Variants in ADORA2B observed in about 807,000 individuals in gnomAD.
ADORA2B encodes the protein adenosine A2b receptor.
A neutral mutation model predicts 20.8 loss-of-function variants in ADORA2B; 18 were observed. That is an observed-to-expected ratio of 0.87 (90% CI 0.60 to 1.29). The LOEUF is 1.29. ADORA2B is among the 50% of genes most tolerant of loss of function. The pLI is 0.00. For synonymous variants in ADORA2B, 179 were observed against 178.3 expected (o/e 1.00, Z -0.03); for missense variants, 441 against 422.7 (o/e 1.04, Z -0.38).
chr17:15,865,848 TTAGGGAGC>T, the ADORA2B span, among the ~76,000 whole-genome samples: 1 of 151,624 alleles, frequency 6.6e-6, no homozygotes. Flanking sequence ...TTTTTTGGTT[TTAGGGAGC>T]GGAAAGTTTA....
chr17:15,915,396 G>A, the ADORA2B span, among the ~76,000 whole-genome samples: 3 of 152,224 alleles, frequency 2.0e-5, no homozygotes, highest in African/African-American at 7.2e-5. Flanking sequence ...CTTCTGCCAT[G>A]TAAGCTAACA....
the ADORA2B span, chr17:15,858,625 T>C: frequency 6.6e-6 from 1 of 152,310 alleles, no homozygotes; most frequent in African/African-American, 2.4e-5. Flanking sequence ...TATTCCACTG[T>C]GTTTAAGAAC....
At chr17:15,867,300 G>A in the ADORA2B span, among the ~76,000 whole-genome samples, 1 of 151,894 alleles carries the variant, frequency 6.6e-6, no homozygotes, top group African/African-American at 2.4e-5. Flanking sequence ...GGAAAGTGAG[G>A]AGCATCTCTG....
At chr17:15,974,652 CG>C (rs1359151589) in intron 1 of ADORA2B, 26 bp from the exon 2 acceptor site, 1 of 1,594,790 alleles carries the variant, frequency 6.3e-7, no homozygotes, top group Non-Finnish European at 8.6e-7. Context: ...ATAAACTGAC[CG>C]TAACAGATGG....
At chr17:15,959,281 C>T (rs1053142987) in intron 1 of ADORA2B, among the ~76,000 whole-genome samples, 1 of 152,104 alleles carries the variant, frequency 6.6e-6, no homozygotes, top group African/African-American at 2.4e-5. Context: ...AAAATGAGTA[C>T]AGTACATATT....
the ADORA2B span, among the ~76,000 whole-genome samples, chr17:15,878,274 TTCA>T: frequency 2.0e-4 from 31 of 151,966 alleles, no homozygotes; most frequent in African/African-American, 7.2e-4. Flanking sequence ...CATCACTTAT[TTCA>T]TCATCTCTCT....
chr17:15,917,077 A>T, the ADORA2B span, among the ~76,000 whole-genome samples: 1 of 152,248 alleles, frequency 6.6e-6, no homozygotes, highest in African/African-American at 2.4e-5. Flanking sequence ...TGGGAGGACA[A>T]CATGGGAGGA....
chr17:15,883,612 G>A, the ADORA2B span, among the ~76,000 whole-genome samples: 2 of 152,228 alleles, frequency 1.3e-5, no homozygotes, highest in African/African-American at 4.8e-5. Context: ...GGATGGGCCT[G>A]TGCTGAGTAA....
chr17:15,868,657 G>A, the ADORA2B span, among the ~76,000 whole-genome samples: 1,151 of 132,520 alleles, frequency 8.7e-3, 139 homozygotes, highest in Admixed American at 0.039. Context: ...GCAGGCACCT[G>A]TAGTCCCGGC....
At chr17:15,967,216 G>C (rs1177297195) in intron 1 of ADORA2B, among the ~76,000 whole-genome samples, 2 of 151,758 alleles carry the variant, frequency 1.3e-5, no homozygotes, top group African/African-American at 4.8e-5. Flanking sequence ...GCCCAGTGCA[G>C]GGACACCTGC....
intron 1 of ADORA2B, among the ~76,000 whole-genome samples, chr17:15,962,244 A>G (rs58545409): frequency 0.1 from 15,149 of 151,828 alleles, 2,496 homozygotes; most frequent in African/African-American, 0.35. Context: ...CGGAGGTTGC[A>G]GTGAGCCAAG....
At chr17:15,974,543 G>A (rs1970223840) in intron 1 of ADORA2B, 136 bp from the exon 2 acceptor site, 1 of 714,978 alleles carries the variant, frequency 1.4e-6, no homozygotes, top group African/African-American at 1.8e-5. Flanking sequence ...TAGTATTGAG[G>A]GTAAAGGCCT....
intron 1 of ADORA2B, among the ~76,000 whole-genome samples, chr17:15,972,551 G>A (rs1338226533): frequency 6.6e-6 from 1 of 152,132 alleles, no homozygotes; most frequent in Non-Finnish European, 1.5e-5. Context: ...GGCATCTGTT[G>A]CTCTTATAAG....
At chr17:15,936,762 G>A in the ADORA2B span, among the ~76,000 whole-genome samples, 1 of 152,156 alleles carries the variant, frequency 6.6e-6, no homozygotes, top group Non-Finnish European at 1.5e-5. Context: ...TTGAGACCAG[G>A]CCGGAAAACA....
At chr17:15,907,664 G>GACA in the ADORA2B span, among the ~76,000 whole-genome samples, 31 of 152,152 alleles carry the variant, frequency 2.0e-4, no homozygotes, top group South Asian at 1.5e-3. Context: ...TCACCAAACT[G>GACA]ACAACAACAA....
intron 1 of ADORA2B, among the ~76,000 whole-genome samples, chr17:15,955,418 G>A (rs769687585): frequency 2.1e-5 from 3 of 141,036 alleles, no homozygotes; most frequent in Non-Finnish European, 4.5e-5. Context: ...TTTTTTTTTC[G>A]AGACAGAGTC....
At chr17:15,890,460 T>TTTTATTTATTTA in the ADORA2B span, among the ~76,000 whole-genome samples, 41 of 83,344 alleles carry the variant, frequency 4.9e-4, 7 homozygotes, top group Non-Finnish European at 6.7e-4. Context: ...CATTCCTTTC[T>TTTTATTTATTTA]TTTATTTATT....
At chr17:15,962,742 T>C (rs1597427786) in intron 1 of ADORA2B, among the ~76,000 whole-genome samples, 1 of 152,280 alleles carries the variant, frequency 6.6e-6, no homozygotes, top group East Asian at 1.9e-4. Flanking sequence ...GGTCTCAAAC[T>C]CCTGACCTCA....
chr17:15,869,855 A>C, the ADORA2B span, among the ~76,000 whole-genome samples: 2 of 152,240 alleles, frequency 1.3e-5, no homozygotes, highest in Admixed American at 6.5e-5. Flanking sequence ...CCTGAATTGC[A>C]TATACTGTGT....
Sources: gnomAD v4.1 joint callset for allele counts (sites outside exome capture counted in the v4.1 genomes callset) on GRCh38, gnomAD v4.1.1 for gene constraint, MANE v1.5 for transcripts, NCBI Gene and HGNC (gene_info 2026-07-23, HGNC 2026-07-21) for gene names.